The following BCL2L1 variants were observed in gnomAD, a reference collection of about 807,000 sequenced individuals.
The protein encoded by BCL2L1 is BCL2 like 1, also known as bcl-2-like protein 1.
A neutral mutation model predicts 18.7 loss-of-function variants in BCL2L1; 1 was observed. That is an observed-to-expected ratio of 0.05 (90% CI 0.02 to 0.25). The LOEUF (loss-of-function observed/expected upper bound fraction) is 0.25, where lower values mean the gene tolerates loss of function less well. Ranked by LOEUF, BCL2L1 falls within the 10% of genes least tolerant of loss-of-function variation. The pLI is 1.00. For missense variants in BCL2L1, 207 were observed against 304.9 expected, an observed-to-expected ratio of 0.68 and a Z score of 2.39; for synonymous variants, 103 against 122.7, an observed-to-expected ratio of 0.84 and a Z score of 1.06.
intron 2 of BCL2L1, among the ~76,000 whole-genome samples, chr20:31,702,557 A>G (rs1010118532): frequency 6.6e-6 from 1 of 151,950 alleles, no homozygotes; most frequent in African/African-American, 2.4e-5. Context: ...CTTGTTGCCC[A>G]GGGTGGAGTG....
chr20:31,706,571 ACCTCGTTTAGTCTTTCTCCCAACAAC>A (rs1412545625), intron 2 of BCL2L1, among the ~76,000 whole-genome samples: 1 of 152,232 alleles, frequency 6.6e-6, no homozygotes, highest in African/African-American at 2.4e-5. Flanking sequence ...AGCTCAGAGC[ACCTCGTTTAGTCTTTCTCCCAACAAC>A]CCTCTGAAAT....
At chr20:31,702,946 C>CAA (rs750992536) in intron 2 of BCL2L1, among the ~76,000 whole-genome samples, 2 of 79,356 alleles carry the variant, frequency 2.5e-5, no homozygotes, top group Non-Finnish European at 2.6e-5. Flanking sequence ...GACTCCATCT[C>CAA]AAAAAAAAAA....
chr20:31,719,437 G>T (rs1425523234), intron 2 of BCL2L1, among the ~76,000 whole-genome samples: 4 of 152,168 alleles, frequency 2.6e-5, no homozygotes, highest in Admixed American at 1.3e-4. Context: ...TAATACCTGA[G>T]AGGAAGGGGG....
At chr20:31,719,901 ATGCC>A (rs2061595584) in intron 2 of BCL2L1, among the ~76,000 whole-genome samples, 1 of 152,202 alleles carries the variant, frequency 6.6e-6, no homozygotes, top group Admixed American at 6.5e-5. Flanking sequence ...CTACTTGGAG[ATGCC>A]TCAGAGGGTG....
intron 2 of BCL2L1, among the ~76,000 whole-genome samples, chr20:31,674,494 C>T (rs185656804): frequency 6.6e-6 from 1 of 152,252 alleles, no homozygotes; most frequent in East Asian, 1.9e-4. Context: ...GGGCCAGGTC[C>T]ATGTACTTCT....
intron 2 of BCL2L1, among the ~76,000 whole-genome samples, chr20:31,699,542 T>C (rs1323939156): frequency 6.6e-6 from 1 of 152,212 alleles, no homozygotes; most frequent in Non-Finnish European, 1.5e-5. Context: ...ACAGTAGGTG[T>C]CCTTCAAGAC....
At chr20:31,691,520 A>AAAAATAAAATAAAATAAAATAAAAT (rs143142638) in intron 2 of BCL2L1, among the ~76,000 whole-genome samples, 112 of 144,650 alleles carry the variant, frequency 7.7e-4, no homozygotes, top group African/African-American at 2.9e-3. Flanking sequence ...TCTCAAAATA[A>AAAAATAAAATAAAATAAAATAAAAT]AAAATAAAAT....
chr20:31,712,279 C>T (rs567846498), intron 2 of BCL2L1, among the ~76,000 whole-genome samples: 18 of 152,298 alleles, frequency 1.2e-4, no homozygotes, highest in African/African-American at 3.9e-4. Flanking sequence ...GGAAGCTACC[C>T]TCCCAGGCTT....
chr20:31,720,732 G>A, intron 2 of BCL2L1: 1 of 984,512 alleles, frequency 1.0e-6, no homozygotes, highest in Non-Finnish European at 1.2e-6. Flanking sequence ...GCCTGTCCAA[G>A]GTCACACAGC....
chr20:31,684,491 G>A (rs938241935), intron 2 of BCL2L1, among the ~76,000 whole-genome samples: 4 of 150,982 alleles, frequency 2.6e-5, no homozygotes, highest in African/African-American at 7.3e-5. Context: ...TAGGTCTGGG[G>A]ACCCAGCTGA....
intron 2 of BCL2L1, among the ~76,000 whole-genome samples, chr20:31,704,130 G>T (rs1176873922): frequency 3.6e-5 from 5 of 137,758 alleles, no homozygotes; most frequent in Non-Finnish European, 6.2e-5. Flanking sequence ...TTGAGACGGA[G>T]TCTCTCCCTG....
chr20:31,686,126 A>G (rs747865060), intron 2 of BCL2L1: 2 of 152,222 alleles, frequency 1.3e-5, no homozygotes, highest in Admixed American at 6.5e-5. Flanking sequence ...TCTGATGTCA[A>G]TAAAAAGATC....
chr20:31,691,152 C>CAAAAAAAAAAAAA (rs539012918), intron 2 of BCL2L1, among the ~76,000 whole-genome samples: 2 of 24,838 alleles, frequency 8.1e-5, no homozygotes, highest in Non-Finnish European at 1.5e-4. Flanking sequence ...GACTCTGTCT[C>CAAAAAAAAAAAAA]AAAAAAAAAA....
At chr20:31,685,764 T>C (rs1210957798) in intron 2 of BCL2L1, among the ~76,000 whole-genome samples, 1 of 152,102 alleles carries the variant, frequency 6.6e-6, no homozygotes, top group Non-Finnish European at 1.5e-5. Context: ...CAGTGGAGTG[T>C]AAGGGAAAAG....
chr20:31,674,527 C>G (rs56057640), intron 2 of BCL2L1, among the ~76,000 whole-genome samples: 1 of 152,158 alleles, frequency 6.6e-6, no homozygotes, highest in Non-Finnish European at 1.5e-5. Flanking sequence ...GGCCTTCATT[C>G]TAAGTCCAGG....
rs199575410 is a variant in BCL2L1, at chr20:31,697,892, G to GTTTTTTTTTTT, written c.564+23752_564+23762dup. Among the ~76,000 whole-genome samples the GTTTTTTTTTTT allele has an allele frequency of 7.0e-4, 91 of 129,644 alleles. 5 individuals are homozygous for GTTTTTTTTTTT. The highest frequency in any genetic ancestry group is 2.7e-3 in the African/African-American group (83 of 30,504). 85.1% of individuals were successfully genotyped at this position (129,644 alleles called of 152,430 possible). ...AGAATCCTCAGCATGTGCTGTTGCTGTTTTTTTTTTTTTGAGACGGAGTCT... is the reference window on the plus strand; with the variant it reads ...AGAATCCTCAGCATGTGCTGTTGCTGTTTTTTTTTTTTTTTTTTTTTTTTGAGACGGAGTCT... On this transcript the variant is annotated intron_variant, in intron 2 of 2. Coordinates refer to ENST00000307677, the MANE Select transcript of BCL2L1 (RefSeq NM_138578.3).
intron 2 of BCL2L1, among the ~76,000 whole-genome samples, chr20:31,695,832 A>C (rs1297719407): frequency 1.3e-5 from 2 of 152,192 alleles, no homozygotes; most frequent in Admixed American, 6.6e-5. Flanking sequence ...CACTGCATTC[A>C]GATCCAATGT....
intron 2 of BCL2L1, among the ~76,000 whole-genome samples, chr20:31,676,015 C>T (rs998562548): frequency 3.3e-5 from 5 of 152,122 alleles, no homozygotes; most frequent in Non-Finnish European, 5.9e-5. Context: ...GCGGTTGTGC[C>T]GGGAGGAGAT....
In BCL2L1 at chr20:31,690,891, GT is replaced by G. The variant is rs1156271948; in HGVS notation, c.565-24806del. On this transcript the variant is annotated intron_variant, in intron 2 of 2. Coordinates refer to ENST00000307677, the MANE Select transcript of BCL2L1 (RefSeq NM_138578.3). ...AGGCCAGGCACGGTGGCTCAGGCCT[GT>G]AATCCCAGCACTTTGGGAGGCCGAG... 1.1e-3 allele frequency among the ~76,000 whole-genome samples: 169 copies of G among 152,218 alleles called. 1 individual carries two copies. Among genetic ancestry groups the G allele is most frequent in the African/African-American group, 3.9e-3 (161 of 41,538 alleles).
Sources: gnomAD v4.1 joint callset for allele counts (sites outside exome capture counted in the v4.1 genomes callset) on GRCh38, gnomAD v4.1.1 for gene constraint, MANE v1.5 for transcripts, NCBI Gene and HGNC (gene_info 2026-07-23, HGNC 2026-07-21) for gene names.